DCC: variants seen among roughly 807,000 people sequenced by gnomAD.
The protein encoded by DCC is netrin receptor DCC.
A neutral mutation model predicts 172.5 loss-of-function variants in DCC; 58 were observed. That is an observed-to-expected ratio of 0.34 (90% CI 0.27 to 0.42). The LOEUF is 0.42. Among genes scored for constraint, DCC ranks in the 10% least tolerant of loss-of-function variants. DCC has a pLI of 1.00. For missense variants in DCC, 1,740 were observed against 1,791.0 expected (o/e 0.97, Z 0.51); for synonymous variants, 709 against 644.5 (o/e 1.10, Z -1.52).
rs2046526231 is a variant in DCC at position 53,531,630 on chromosome 18, T to G, written c.*977T>G. ...GTGAAATGGCCAGCTCCACATGTCA[T>G]ATGGTGCACTGGCCAATGTCGCCTG... is the stretch of plus-strand genomic sequence containing the variant. On this transcript the variant is annotated 3_prime_UTR_variant, in exon 29 of 29. Coordinates refer to ENST00000442544, the MANE Select transcript of DCC (RefSeq NM_005215.4). 1 of 152,162 alleles carries G rather than the reference T, an allele frequency of 6.6e-6. No homozygotes were observed. The highest frequency in any genetic ancestry group is 1.5e-5 in the Non-Finnish European group (1 of 68,032). The allele number at this position is 152,162 out of a possible 1,614,324, so 9.4% of individuals were successfully genotyped here.
chr18:53,117,370 A>G (rs914199614), intron 7 of DCC, among the ~76,000 whole-genome samples: 9 of 151,856 alleles, frequency 5.9e-5, no homozygotes, highest in Admixed American at 3.9e-4. Flanking sequence ...TTTGAGGATT[A>G]AAGGAGAATA....
intron 5 of DCC, among the ~76,000 whole-genome samples, chr18:52,937,360 A>C (rs919569340): frequency 1.3e-5 from 2 of 152,194 alleles, no homozygotes; most frequent in Admixed American, 6.6e-5. Flanking sequence ...TGGCAAAAAC[A>C]CAATTATTTT....
rs553496886 is a variant in DCC at position 52,898,172 on chromosome 18, G to A, written c.413-7872G>A. On this transcript the variant is annotated intron_variant, in intron 2 of 28. Transcript: ENST00000442544. ...TTACCACACTGCTGAATATTTAAAA[G>A]CAAGGCGTGTTTCCAACCCCAAGGT... Among the ~76,000 whole-genome samples the A allele has an allele frequency of 6.6e-5, 10 of 152,298 alleles. No individual in the cohort carries two copies. The East Asian group carries it at 1.5e-3, about 24-fold the overall frequency.
intron 15 of DCC, among the ~76,000 whole-genome samples, chr18:53,355,353 A>G (rs1426867769): frequency 6.6e-6 from 1 of 152,112 alleles, no homozygotes; most frequent in African/African-American, 2.4e-5. Flanking sequence ...GAATCTATAA[A>G]TTACCTTGGG....
At chr18:53,360,944 G>A (rs2057938459) in intron 15 of DCC, among the ~76,000 whole-genome samples, 1 of 152,150 alleles carries the variant, frequency 6.6e-6, no homozygotes, top group South Asian at 2.1e-4. Flanking sequence ...GTATGTGCAT[G>A]TTCTAACCTC....
At chr18:52,536,581 T>C (rs944452546) in intron 1 of DCC, among the ~76,000 whole-genome samples, 4 of 151,998 alleles carry the variant, frequency 2.6e-5, no homozygotes, top group African/African-American at 9.7e-5. Flanking sequence ...GTGGCCTCCA[T>C]CCTAGATCTC....
chr18:52,512,995 G>A (rs1163964179), intron 1 of DCC, among the ~76,000 whole-genome samples: 1 of 152,136 alleles, frequency 6.6e-6, no homozygotes, highest in Non-Finnish European at 1.5e-5. Context: ...AGGGAGCTAG[G>A]AGTAGAAAAT....
intron 5 of DCC, among the ~76,000 whole-genome samples, chr18:53,023,518 C>T (rs1354084304): frequency 6.6e-6 from 1 of 151,532 alleles, no homozygotes; most frequent in African/African-American, 2.4e-5. Flanking sequence ...GTACCAAACC[C>T]CAGCACCACG....
At chr18:52,501,688 G>T (rs1049202283) in intron 1 of DCC, among the ~76,000 whole-genome samples, 1 of 152,048 alleles carries the variant, frequency 6.6e-6, no homozygotes, top group Admixed American at 6.6e-5. Context: ...AGCCCATGTC[G>T]GTCACCTCTG....
chr18:52,955,951 TGG>T, intron 5 of DCC, among the ~76,000 whole-genome samples: 1 of 152,130 alleles, frequency 6.6e-6, no homozygotes, highest in African/African-American at 2.4e-5. Flanking sequence ...TTTGCATATT[TGG>T]GCTATCATTT....
intron 9 of DCC, among the ~76,000 whole-genome samples, chr18:53,196,655 G>A (rs1263148698): frequency 6.6e-6 from 1 of 151,940 alleles, no homozygotes; most frequent in African/African-American, 2.4e-5. Context: ...GTAATATATA[G>A]ATTACATCCA....
chr18:52,588,102 A>G (rs971445745), intron 1 of DCC, among the ~76,000 whole-genome samples: 11 of 152,164 alleles, frequency 7.2e-5, no homozygotes, highest in African/African-American at 2.7e-4. Context: ...TCAAACGTTC[A>G]GTTTCCACCA....
At chr18:53,320,222 A>G (rs111788784) in intron 13 of DCC, among the ~76,000 whole-genome samples, 7 of 151,572 alleles carry the variant, frequency 4.6e-5, no homozygotes, top group Non-Finnish European at 1.0e-4. Context: ...ACAGGCGCCC[A>G]CCACCACTCC....
At chr18:52,682,489 C>T (rs999698403) in intron 1 of DCC, among the ~76,000 whole-genome samples, 8 of 152,088 alleles carry the variant, frequency 5.3e-5, no homozygotes, top group African/African-American at 1.9e-4. Context: ...GCCTGGAGAA[C>T]CAAGAGCCAC....
chr18:52,740,458 C>T (rs146330241), intron 1 of DCC, among the ~76,000 whole-genome samples: 1 of 152,186 alleles, frequency 6.6e-6, no homozygotes, highest in Non-Finnish European at 1.5e-5. Context: ...GCTATTTGGC[C>T]TCTATCTTTA....
chr18:52,400,188 C>G (rs1371167873), intron 1 of DCC, among the ~76,000 whole-genome samples: 1 of 151,708 alleles, frequency 6.6e-6, no homozygotes, highest in African/African-American at 2.4e-5. Context: ...GAATGTGTAC[C>G]CAGTATGTTC....
At chr18:52,832,469 C>T (rs956678260) in intron 2 of DCC, among the ~76,000 whole-genome samples, 5 of 151,998 alleles carry the variant, frequency 3.3e-5, no homozygotes, top group Admixed American at 6.6e-5. Context: ...CCTGTGCACC[C>T]CAAAATTTAT....
chr18:53,447,870 G>A (rs1912712599), intron 22 of DCC, among the ~76,000 whole-genome samples: 1 of 152,058 alleles, frequency 6.6e-6, no homozygotes, highest in Non-Finnish European at 1.5e-5. Context: ...TATGGTAAGT[G>A]TAAAAATTAC....
intron 2 of DCC, among the ~76,000 whole-genome samples, chr18:52,904,688 A>C (rs2039855524): frequency 6.6e-6 from 1 of 152,206 alleles, no homozygotes; most frequent in Admixed American, 6.5e-5. Flanking sequence ...ACTTAAATCT[A>C]TAAAATAAAA....
Sources: gnomAD v4.1 joint callset for allele counts (sites outside exome capture counted in the v4.1 genomes callset) on GRCh38, gnomAD v4.1.1 for gene constraint, MANE v1.5 for transcripts, NCBI Gene and HGNC (gene_info 2026-07-23, HGNC 2026-07-21) for gene names.